The following SYNPR variants were observed in gnomAD, a reference collection of about 807,000 sequenced individuals.
SYNPR encodes the protein synaptoporin.
A neutral mutation model predicts 32.9 loss-of-function variants in SYNPR; 23 were observed. The ratio of observed to expected loss-of-function variants is 0.70; its 90% CI spans 0.50 to 0.99. SYNPR has a LOEUF of 0.99. Among genes scored for constraint, SYNPR ranks in the 50% least tolerant of loss-of-function variants. SYNPR has a pLI of 0.00. For missense variants in SYNPR, 318 were observed against 349.3 expected, an observed-to-expected ratio of 0.91 and a Z score of 0.71; for synonymous variants, 146 against 135.9, an observed-to-expected ratio of 1.07 and a Z score of -0.52.
chr3:63,521,889 AC>A (rs1353722155), intron 3 of SYNPR, among the ~76,000 whole-genome samples: 2 of 152,118 alleles, frequency 1.3e-5, no homozygotes, highest in Non-Finnish European at 2.9e-5. Flanking sequence ...CTCCTTGACC[AC>A]CCCAAGCCCT....
intron 1 of SYNPR, among the ~76,000 whole-genome samples, chr3:63,246,350 C>A (rs536943239): frequency 1.3e-5 from 2 of 152,140 alleles, no homozygotes; most frequent in African/African-American, 2.4e-5. Flanking sequence ...CTTGTTTGAT[C>A]CATTTATTTA....
At chr3:63,522,534 C>T (rs1237432122) in intron 3 of SYNPR, among the ~76,000 whole-genome samples, 1 of 125,036 alleles carries the variant, frequency 8.0e-6, no homozygotes, top group Non-Finnish European at 1.7e-5. Context: ...TGTGGTGCTC[C>T]ACTAAATATG....
rs570582980 is a variant in SYNPR, at chr3:63,491,836, T to G, written c.209+10880T>G. Among the ~76,000 whole-genome samples, 3 of 152,284 alleles carry G rather than the reference T, an allele frequency of 2.0e-5. No homozygotes were observed. In the East Asian group the frequency reaches 5.8e-4, roughly 29 times the overall value. On this transcript the variant is annotated intron_variant, in intron 3 of 5. Transcript: ENST00000478300. ...ATGCCCGGCCTAAATGTGTATGATT[T>G]AAATGCTACATAAGTACTTACAAAA...
intron 2 of SYNPR, among the ~76,000 whole-genome samples, chr3:63,326,600 G>A (rs192966272): frequency 6.2e-4 from 94 of 152,232 alleles, no homozygotes; most frequent in African/African-American, 2.0e-3. Context: ...CCAGATCACT[G>A]AGTGTCCAGT....
chr3:63,275,072 G>A (rs574652824), upstream of SYNPR, among the ~76,000 whole-genome samples: 129 of 152,284 alleles, frequency 8.5e-4, no homozygotes, highest in African/African-American at 3.0e-3. Flanking sequence ...GATCATTTAT[G>A]CCCCACCAAA....
At chr3:63,356,261 T>C (rs1365842810) in intron 2 of SYNPR, among the ~76,000 whole-genome samples, 8 of 152,220 alleles carry the variant, frequency 5.3e-5, no homozygotes, top group African/African-American at 1.9e-4. Context: ...GATTGGAGCT[T>C]ATCTTACCAA....
chr3:63,365,190 TGAA>T (rs2087716532), intron 2 of SYNPR, among the ~76,000 whole-genome samples: 1 of 152,190 alleles, frequency 6.6e-6, no homozygotes, highest in Non-Finnish European at 1.5e-5. Flanking sequence ...GGCAAAGGGA[TGAA>T]GTTCAACTGT....
chr3:63,529,561 T>C (rs909690587), intron 3 of SYNPR, among the ~76,000 whole-genome samples: 1 of 152,196 alleles, frequency 6.6e-6, no homozygotes, highest in Admixed American at 6.5e-5. Context: ...AATGTGACAG[T>C]TGAACCTGAA....
chr3:63,551,686 A>G (rs761200057), intron 3 of SYNPR, among the ~76,000 whole-genome samples: 3 of 151,976 alleles, frequency 2.0e-5, no homozygotes, highest in Non-Finnish European at 4.4e-5. Context: ...GGTAATTCCT[A>G]TTATCTTTAA....
At chr3:63,454,903 G>A (rs1468312325) in intron 2 of SYNPR, among the ~76,000 whole-genome samples, 2 of 152,138 alleles carry the variant, frequency 1.3e-5, no homozygotes, top group Non-Finnish European at 2.9e-5. Context: ...TGGAATTTAT[G>A]AGCCATGGAG....
intron 2 of SYNPR, among the ~76,000 whole-genome samples, chr3:63,430,263 G>A (rs1162745868): frequency 6.6e-6 from 1 of 151,932 alleles, no homozygotes; most frequent in Non-Finnish European, 1.5e-5. Flanking sequence ...ATAAATTAAA[G>A]GCTTTTTCAA....
intron 2 of SYNPR, among the ~76,000 whole-genome samples, chr3:63,355,276 CAAA>C (rs34592172): frequency 2.1e-5 from 2 of 93,814 alleles, no homozygotes; most frequent in Non-Finnish European, 2.4e-5. Flanking sequence ...GAGACCCTGT[CAAA>C]AAAAAAAAAA....
Position 63,597,964 on chromosome 3 carries a change from T to C in SYNPR, c.409-11161T>C, listed in dbSNP as rs1425757695. 2.0e-5 allele frequency among the ~76,000 whole-genome samples: 3 copies of C among 152,182 alleles called. 1 individual carries two copies. Among genetic ancestry groups the C allele is most frequent in the South Asian group, 4.2e-4 (2 of 4,814 alleles). ...TTTGCTTTCTGTGTTTCCTGATCCA[T>C]AGTGTCATTCTAAAATTCTTGGAGG... On this transcript the variant is annotated intron_variant, in intron 4 of 5. Coordinates refer to ENST00000478300, the MANE Select transcript of SYNPR (RefSeq NM_001130003.2).
At chr3:63,375,535 C>T (rs1481628059) in intron 2 of SYNPR, among the ~76,000 whole-genome samples, 2 of 151,970 alleles carry the variant, frequency 1.3e-5, no homozygotes, top group Non-Finnish European at 2.9e-5. Flanking sequence ...AACACCTGGA[C>T]ACAGGGCAAG....
chr3:63,251,133 C>T (rs776159739), intron 1 of SYNPR, among the ~76,000 whole-genome samples: 6 of 151,496 alleles, frequency 4.0e-5, no homozygotes, highest in African/African-American at 7.3e-5. Flanking sequence ...TATATTGTTT[C>T]GTTCAGAGAA....
intron 3 of SYNPR, among the ~76,000 whole-genome samples, chr3:63,536,140 GA>G (rs1228894023): frequency 6.6e-6 from 1 of 151,646 alleles, no homozygotes; most frequent in African/African-American, 2.4e-5. Context: ...TTTAAGGAAT[GA>G]AAAAACTTTT....
At chr3:63,458,067 G>T (rs1044564833) in intron 2 of SYNPR, among the ~76,000 whole-genome samples, 1 of 151,930 alleles carries the variant, frequency 6.6e-6, no homozygotes, top group South Asian at 2.1e-4. Context: ...TAAAATCTGG[G>T]TATCTTGGGC....
At chr3:63,496,673 C>A (rs1701379611) in intron 3 of SYNPR, among the ~76,000 whole-genome samples, 1 of 152,098 alleles carries the variant, frequency 6.6e-6, no homozygotes, top group Non-Finnish European at 1.5e-5. Flanking sequence ...TACTTAATTA[C>A]TTTAGTGAGA....
chr3:63,444,906 G>A lies in SYNPR; in HGVS notation c.85-35926G>A, dbSNP rs541829485. 8.6e-5 allele frequency among the ~76,000 whole-genome samples: 13 copies of A among 150,688 alleles called. No individual in the cohort carries two copies. The South Asian group carries it at 1.5e-3, about 17-fold the overall frequency. ...CATGTGCCTAGTGTCAGTCTTAGAC[G>A]ACAAACCTTAGCTGGAGCCAAGTGT... On this transcript the variant is annotated intron_variant, in intron 2 of 5. Coordinates refer to ENST00000478300, the MANE Select transcript of SYNPR (RefSeq NM_001130003.2).
Sources: allele counts gnomAD v4.1 joint callset (sites outside exome capture counted in the v4.1 genomes callset), GRCh38; gene constraint gnomAD v4.1.1; transcripts MANE v1.5; gene names NCBI Gene and HGNC (gene_info 2026-07-23, HGNC 2026-07-21).